Variants in LRMDA observed in about 807,000 individuals in gnomAD.
LRMDA encodes leucine rich melanocyte differentiation associated.
A neutral mutation model predicts 29.8 loss-of-function variants in LRMDA; 18 were observed. That is an observed-to-expected ratio of 0.60 (90% CI 0.42 to 0.90). The LOEUF (loss-of-function observed/expected upper bound fraction) is 0.90, where lower values mean the gene tolerates loss of function less well. LRMDA is among the 40% of genes least tolerant of loss of function. The pLI, the probability that LRMDA is intolerant of heterozygous loss-of-function variation, is 0.00. For synonymous variants in LRMDA, 125 were observed against 109.4 expected (o/e 1.14, Z -0.89); for missense variants, 273 against 273.9 (o/e 1.00, Z 0.02).
chr10:75,700,067 A>T (rs2132168751), intron 2 of LRMDA, among the ~76,000 whole-genome samples: 1 of 152,248 alleles, frequency 6.6e-6, no homozygotes, highest in East Asian at 1.9e-4. Context: ...CATGTTACTA[A>T]TTTCAGGCTC....
intron 2 of LRMDA, among the ~76,000 whole-genome samples, chr10:75,608,123 T>C (rs1026577908): frequency 2.9e-4 from 29 of 99,824 alleles, no homozygotes; most frequent in African/African-American, 9.2e-4. Flanking sequence ...TATATATATA[T>C]ATATATACAC....
At chr10:76,164,842 C>G (rs1164245479) in intron 5 of LRMDA, among the ~76,000 whole-genome samples, 1 of 152,186 alleles carries the variant, frequency 6.6e-6, no homozygotes, top group African/African-American at 2.4e-5. Flanking sequence ...AGGCACCACT[C>G]AGACCTTGTT....
chr10:76,100,455 G>A (rs757149865), intron 5 of LRMDA, among the ~76,000 whole-genome samples: 10 of 152,188 alleles, frequency 6.6e-5, no homozygotes, highest in Admixed American at 2.6e-4. Context: ...CAAGCTTCCC[G>A]TGGCTTCAGC....
chr10:75,706,577 A>G (rs1166138972), intron 2 of LRMDA, among the ~76,000 whole-genome samples: 2 of 152,160 alleles, frequency 1.3e-5, no homozygotes, highest in African/African-American at 4.8e-5. Flanking sequence ...TTTAGTAGGT[A>G]ATAGAATTCA....
chr10:76,298,683 C>T (rs192550460), intron 5 of LRMDA, among the ~76,000 whole-genome samples: 14 of 152,284 alleles, frequency 9.2e-5, no homozygotes, highest in African/African-American at 3.1e-4. Context: ...ATCAAGGAAG[C>T]ATGTAGTTAA....
chr10:75,649,465 A>G (rs1224488238), intron 2 of LRMDA, among the ~76,000 whole-genome samples: 1 of 152,208 alleles, frequency 6.6e-6, no homozygotes, highest in African/African-American at 2.4e-5. Flanking sequence ...GTATCTGTTC[A>G]TATGTTGATA....
At chr10:76,328,980 A>G (rs1327592887) in intron 6 of LRMDA, among the ~76,000 whole-genome samples, 1 of 152,186 alleles carries the variant, frequency 6.6e-6, no homozygotes, top group Non-Finnish European at 1.5e-5. Context: ...AGCTTGCTGG[A>G]AAGTTTCTGT....
At chr10:75,431,871 C>T in intron 1 of LRMDA, 117 bp downstream of exon 1, 1 of 1,054,922 alleles carries the variant, frequency 9.5e-7, no homozygotes, top group Non-Finnish European at 1.2e-6. Flanking sequence ...GGGGCTGCGT[C>T]TGCAGGGGGT....
chr10:76,220,097 C>A (rs975077019), intron 5 of LRMDA, among the ~76,000 whole-genome samples: 16 of 152,180 alleles, frequency 1.1e-4, no homozygotes, highest in Non-Finnish European at 2.1e-4. Context: ...ATACCAGAAT[C>A]TCTGGGAAAC....
chr10:76,241,355 A>AATGTTTG (rs1852274723), intron 5 of LRMDA, among the ~76,000 whole-genome samples: 1 of 152,190 alleles, frequency 6.6e-6, no homozygotes, highest in Non-Finnish European at 1.5e-5. Context: ...TAAGGTTCCC[A>AATGTTTG]ACCAACCTTT....
intron 6 of LRMDA, among the ~76,000 whole-genome samples, chr10:76,542,326 A>AT (rs906730245): frequency 6.6e-6 from 1 of 151,982 alleles, no homozygotes; most frequent in African/African-American, 2.4e-5. Flanking sequence ...TGGCCGCTCA[A>AT]TTTTTTTTGG....
intron 2 of LRMDA, among the ~76,000 whole-genome samples, chr10:75,573,662 T>A (rs1168566610): frequency 6.6e-6 from 1 of 152,234 alleles, no homozygotes; most frequent in Admixed American, 6.5e-5. Context: ...TTGTGTCTTA[T>A]TTCCTAATGG....
intron 2 of LRMDA, among the ~76,000 whole-genome samples, chr10:75,730,179 G>A (rs531917925): frequency 6.6e-5 from 10 of 152,042 alleles, no homozygotes; most frequent in African/African-American, 1.7e-4. Context: ...ATTCCCTTTC[G>A]TATTCTGCCT....
chr10:76,468,619 AC>A (rs753890905), intron 6 of LRMDA, among the ~76,000 whole-genome samples: 9 of 152,322 alleles, frequency 5.9e-5, no homozygotes, highest in Admixed American at 2.6e-4. Flanking sequence ...GTAATTAGGC[AC>A]TTTAGTTGTT....
chr10:75,864,446 G>A (rs747138657), intron 2 of LRMDA, among the ~76,000 whole-genome samples: 1 of 152,088 alleles, frequency 6.6e-6, no homozygotes, highest in African/African-American at 2.4e-5. Context: ...AGGCTCCCTG[G>A]ATTCTTAGTT....
intron 2 of LRMDA, among the ~76,000 whole-genome samples, chr10:75,818,951 C>T (rs1589217341): frequency 1.3e-5 from 2 of 152,164 alleles, no homozygotes; most frequent in East Asian, 3.9e-4. Context: ...GTGCCAGGTA[C>T]TTGTATTTTC....
chr10:76,425,966 G>A (rs1589179501), intron 6 of LRMDA, among the ~76,000 whole-genome samples: 1 of 152,160 alleles, frequency 6.6e-6, no homozygotes, highest in African/African-American at 2.4e-5. Flanking sequence ...ATTCCATGGT[G>A]TATATGTGCC....
At chr10:76,090,510 C>T (rs545803948) in intron 5 of LRMDA, among the ~76,000 whole-genome samples, 15 of 152,272 alleles carry the variant, frequency 9.9e-5, no homozygotes, top group South Asian at 2.1e-4. Flanking sequence ...CTATATGATC[C>T]GGCAATTCTG....
chr10:75,576,078 G>T (rs534019024), intron 2 of LRMDA, among the ~76,000 whole-genome samples: 401 of 152,154 alleles, frequency 2.6e-3, no homozygotes, highest in Non-Finnish European at 4.1e-3. Flanking sequence ...GGCTTGGCGG[G>T]TCCCACCCCC....
Sources: allele counts gnomAD v4.1 joint callset (sites outside exome capture counted in the v4.1 genomes callset), GRCh38; gene constraint gnomAD v4.1.1; transcripts MANE v1.5; gene names NCBI Gene and HGNC (gene_info 2026-07-23, HGNC 2026-07-21).